The following THNSL1 variants were observed in gnomAD, a reference collection of about 807,000 sequenced individuals.
THNSL1 encodes threonine synthase-like 1.
THNSL1 carries 48 observed loss-of-function variants against 50.4 expected under a neutral mutation model. That is an observed-to-expected ratio of 0.95 (90% CI 0.76 to 1.21). THNSL1 has a LOEUF of 1.21. THNSL1 is among the 50% of genes most tolerant of loss of function. The pLI, the probability that THNSL1 is intolerant of heterozygous loss-of-function variation, is 0.00. For missense variants in THNSL1, 896 were observed against 871.7 expected, an observed-to-expected ratio of 1.03 and a Z score of -0.35; for synonymous variants, 309 against 306.1, an observed-to-expected ratio of 1.01 and a Z score of -0.10.
intron 2 of THNSL1, 27 bp from the exon 3 acceptor site, chr10:25,023,149 T>TTTTTGTTTTGTGTTTTGTGTTTTG: frequency 7.0e-7 from 1 of 1,436,622 alleles, no homozygotes; most frequent in Non-Finnish European, 9.4e-7. Flanking sequence ...CTTTTGTTGT[T>TTTTTGTTTTGTGTTTTGTGTTTTG]TTTTGTTTGT....
At chr10:24,971,626 C>T in the THNSL1 span, among the ~76,000 whole-genome samples, 1 of 152,262 alleles carries the variant, frequency 6.6e-6, no homozygotes, top group African/African-American at 2.4e-5. Context: ...TGAAGGCTTG[C>T]ACAATAAGCT....
At chr10:25,016,087 C>A (rs1850563543), upstream of THNSL1, 1 of 1,349,014 alleles carries the variant, frequency 7.4e-7, no homozygotes. Context: ...CCCCTTTAAC[C>A]CCCTCTTAGC....
the THNSL1 span, among the ~76,000 whole-genome samples, chr10:24,970,420 C>T: frequency 6.6e-6 from 1 of 152,138 alleles, no homozygotes; most frequent in Non-Finnish European, 1.5e-5. Flanking sequence ...AAGATATTTG[C>T]ATATCCAGGA....
chr10:25,008,506 C>T, the THNSL1 span, among the ~76,000 whole-genome samples: 3 of 152,132 alleles, frequency 2.0e-5, no homozygotes, highest in Non-Finnish European at 4.4e-5. Flanking sequence ...TAAGTGTTAA[C>T]AGTATTGACA....
upstream of THNSL1, among the ~76,000 whole-genome samples, chr10:25,016,363 G>C (rs1850571934): frequency 6.6e-6 from 1 of 152,182 alleles, no homozygotes; most frequent in South Asian, 2.1e-4. Context: ...TGTGTATCTG[G>C]GGAAAAAAGA....
chr10:25,024,435 T>G lies in THNSL1; in HGVS notation c.1212T>G (p.Val404=). 2.5e-6 allele frequency: 4 copies of G among 1,614,088 alleles called. No individual in the cohort carries two copies. Among genetic ancestry groups the G allele is most frequent in the Non-Finnish European group, 2.5e-6 (3 of 1,180,030 alleles). The change falls in exon 3 of 3, where the codon GTT becomes GTG. Residue 404 remains valine, a synonymous_variant. Coordinates refer to ENST00000376356, the MANE Select transcript of THNSL1 (RefSeq NM_024838.5). The part of the protein sequence containing the change: ...NKNDKQRIAV[V]AFFPENGVSD... ...ATGATAAGCAAAGGATAGCTGTGGT[T>G]GCATTTTTTCCTGAGAATGGAGTAA...
chr10:24,975,668 A>T, the THNSL1 span, among the ~76,000 whole-genome samples: 1 of 152,110 alleles, frequency 6.6e-6, no homozygotes, highest in African/African-American at 2.4e-5. Context: ...GCCACCATGT[A>T]AGATGTTCCT....
the THNSL1 span, among the ~76,000 whole-genome samples, chr10:24,997,557 A>C: frequency 6.6e-6 from 1 of 151,542 alleles, no homozygotes; most frequent in South Asian, 2.1e-4. Context: ...TAGCTAATTA[A>C]AAAAAATTTT....
upstream of THNSL1, chr10:25,016,526 G>C (rs760481986): frequency 1.3e-5 from 2 of 152,460 alleles, no homozygotes; most frequent in African/African-American, 4.8e-5. Context: ...AGGGAGGGGA[G>C]GAGCCTGAGG....
chr10:24,960,810 G>A, the THNSL1 span, among the ~76,000 whole-genome samples: 2 of 151,838 alleles, frequency 1.3e-5, no homozygotes, highest in Non-Finnish European at 2.9e-5. Flanking sequence ...GGCTGGTTTC[G>A]AACTCCTGGG....
chr10:24,953,884 T>A, the THNSL1 span, among the ~76,000 whole-genome samples: 145 of 152,328 alleles, frequency 9.5e-4, no homozygotes, highest in Middle Eastern at 0.014. Flanking sequence ...CAGGGCTGGC[T>A]CTTCATGTCG....
At chr10:24,993,992 C>T in the THNSL1 span, among the ~76,000 whole-genome samples, 1 of 152,234 alleles carries the variant, frequency 6.6e-6, no homozygotes, top group African/African-American at 2.4e-5. Context: ...GACTATAAAA[C>T]AGTTTCCAGG....
Position 25,025,297 on chromosome 10 carries a change from C to G in THNSL1, c.2074C>G (p.Leu692Val). ...KEINETSSSQLYLLGSYNALP... is the reference protein window; with the variant it reads ...KEINETSSSQVYLLGSYNALP... ...AATCAATGAGACTTCATCAAGTCAG[C>G]TCTATTTGCTGGGTTCATACAATGC... The change falls in exon 3 of 3, where the codon CTC becomes GTC. Residue 692 changes from leucine (L) to valine (V), a missense_variant. Leu to Val is a conservative substitution (Grantham distance 32). Coordinates refer to ENST00000376356, the MANE Select transcript of THNSL1 (RefSeq NM_024838.5). 6.2e-7 allele frequency: 1 copy of G among 1,614,158 alleles called. No homozygotes were observed. The highest frequency in any genetic ancestry group is 8.5e-7 in the Non-Finnish European group (1 of 1,180,038).
At chr10:25,016,341 C>G (rs770392536), upstream of THNSL1, among the ~76,000 whole-genome samples, 55 of 152,336 alleles carry the variant, frequency 3.6e-4, 1 homozygote, top group East Asian at 3.9e-4. Context: ...AAACTGTGCT[C>G]TTTTCTATTT....
chr10:24,994,364 C>T, the THNSL1 span, among the ~76,000 whole-genome samples: 6 of 146,316 alleles, frequency 4.1e-5, no homozygotes, highest in Admixed American at 6.9e-5. Flanking sequence ...CACCGAGTCT[C>T]GCTCTGTCAC....
the THNSL1 span, among the ~76,000 whole-genome samples, chr10:24,960,686 C>A: frequency 6.6e-6 from 1 of 152,066 alleles, no homozygotes; most frequent in Admixed American, 6.6e-5. Context: ...CTCAGCCTCC[C>A]AAAGTGCACC....
rs559393591 is a variant in THNSL1, at chr10:25,025,347, A to G, written c.2124A>G (p.Leu708=). The part of the protein sequence containing the change: ...YNALPPLHEA[L]LERTKQQEKM... ...CATTACCTCCACTGCATGAGGCTTT[A>G]TTAGAGAGAACAAAACAGCAAGAGA... The change falls in exon 3 of 3, where the codon TTA becomes TTG. Residue 708 remains leucine, a synonymous_variant. Coordinates refer to ENST00000376356, the MANE Select transcript of THNSL1 (RefSeq NM_024838.5). 2.5e-6 allele frequency: 4 copies of G among 1,614,212 alleles called. No homozygotes were observed. Among genetic ancestry groups the G allele is most frequent in the Admixed American group, 3.3e-5 (2 of 60,030 alleles).
At chr10:25,017,059 C>T (rs1401800779) in intron 1 of THNSL1, among the ~76,000 whole-genome samples, 2 of 152,166 alleles carry the variant, frequency 1.3e-5, no homozygotes, top group Non-Finnish European at 2.9e-5. Context: ...TTGGGCGGTC[C>T]TCCGGGTCGG....
chr10:24,977,024 A>T, the THNSL1 span, among the ~76,000 whole-genome samples: 188 of 152,342 alleles, frequency 1.2e-3, 1 homozygote, highest in African/African-American at 4.3e-3. Flanking sequence ...CAGAATAAAA[A>T]CATAGGCATT....
Sources: gnomAD v4.1 joint callset for allele counts (sites outside exome capture counted in the v4.1 genomes callset) on GRCh38, gnomAD v4.1.1 for gene constraint, MANE v1.5 for transcripts, NCBI Gene and HGNC (gene_info 2026-07-23, HGNC 2026-07-21) for gene names.